Variants in RFTN1 observed in about 807,000 individuals in gnomAD.
RFTN1 encodes the protein raftlin, lipid raft linker 1.
In RFTN1, 26 loss-of-function variants were observed where a neutral mutation model predicts 46.5. That is an observed-to-expected ratio of 0.56 (90% CI 0.41 to 0.78). RFTN1 has a LOEUF of 0.78. RFTN1 is among the 30% of genes least tolerant of loss of function. The pLI, the probability that RFTN1 is intolerant of heterozygous loss-of-function variation, is 0.00. For synonymous variants in RFTN1, 261 were observed against 284.2 expected (o/e 0.92, Z 0.82); for missense variants, 693 against 718.7 (o/e 0.96, Z 0.41).
chr3:16,470,185 T>C (rs867067916), intron 2 of RFTN1, among the ~76,000 whole-genome samples: 1 of 152,110 alleles, frequency 6.6e-6, no homozygotes, highest in Non-Finnish European at 1.5e-5. Flanking sequence ...GATGCTCCTA[T>C]AGATCAAGTC....
In RFTN1 at chr3:16,440,451, C is replaced by A. The variant is rs540041876; in HGVS notation, c.146-6414G>T. Among the ~76,000 whole-genome samples the A allele has an allele frequency of 4.1e-4, 62 of 152,280 alleles. No homozygotes were observed. The highest frequency in any genetic ancestry group is 3.4e-3 in the Middle Eastern group (1 of 294). The stretch of plus-strand genomic sequence containing the variant: ...AACTCCTGCCCATCTTCATCCCATA[C>A]CAGGGCTTTGTCCTGCTGCAGTGCA... On this transcript the variant is annotated intron_variant, in intron 2 of 9. Coordinates refer to ENST00000334133, the MANE Select transcript of RFTN1 (RefSeq NM_015150.2). This position sits in a 1 kb window ranked among gnomAD's most constrained non-coding sequence, Gnocchi z 4.6.
In RFTN1 at chr3:16,377,756, C is replaced by G. The variant is rs1259452685; in HGVS notation, c.788G>C (p.Ser263Thr). 2 of 1,609,718 alleles carry G rather than the reference C, an allele frequency of 1.2e-6. No homozygotes were observed. The highest frequency in any genetic ancestry group is 1.1e-5 in the South Asian group (1 of 90,878). ...GVSKTLDGPE[S>T]NPLEVHEEPL... ...CTCTTCATGCACCTCCAAGGGGTTGCTCTCCGGTCCATCCAGTGTCTTGCT... is the reference window on the plus strand; with the variant it reads ...CTCTTCATGCACCTCCAAGGGGTTGGTCTCCGGTCCATCCAGTGTCTTGCT... Residue 263 changes from serine to threonine, a missense_variant, in exon 5 of 10, where the codon AGC becomes ACC. By Grantham distance (58) the Ser-to-Thr change is moderately conservative (BLOSUM62 1). Coordinates refer to ENST00000334133, the MANE Select transcript of RFTN1 (RefSeq NM_015150.2).
chr3:16,391,156 A>C (rs2074334341), intron 4 of RFTN1, among the ~76,000 whole-genome samples: 1 of 152,194 alleles, frequency 6.6e-6, no homozygotes, highest in African/African-American at 2.4e-5. Flanking sequence ...TACACTACGA[A>C]TCTCCCCCCA....
chr3:16,370,978 A>C lies in RFTN1; in HGVS notation c.827-699T>G, dbSNP rs759168225. 2.0e-5 allele frequency: 3 copies of C among 152,246 alleles called. No homozygotes were observed. Among genetic ancestry groups the C allele is most frequent in the African/African-American group, 7.2e-5 (3 of 41,462 alleles). The allele number at this position is 152,246 out of a possible 1,614,324, so 9.4% of individuals were successfully genotyped here. A position where few individuals can be genotyped will look rare whatever the true frequency, so the allele number is the denominator to read the frequency against. ...CAATCAATAATCACTGCCACCCAGC[A>C]GCTGAGCCGCAACTGCCTACGTGCA... On this transcript the variant is annotated intron_variant, in intron 5 of 9. Coordinates refer to ENST00000334133, the MANE Select transcript of RFTN1 (RefSeq NM_015150.2). The surrounding 1 kb of genome is among the most constrained non-coding windows in gnomAD (Gnocchi z 5.5).
At position 16,449,548 on chromosome 3, in the gene RFTN1, ATTG is replaced by A. The variant is rs1421283290; in HGVS notation, c.146-15514_146-15512del. On this transcript the variant is annotated intron_variant, in intron 2 of 9. Transcript: ENST00000334133. This position sits in a 1 kb window ranked among gnomAD's most constrained non-coding sequence, Gnocchi z 5.1. ...TCCATACACGGGAGCTGCTAAAATC[ATTG>A]TTGTTATCACCATTATGCATAACCC... 1.3e-5 allele frequency among the ~76,000 whole-genome samples: 2 copies of A among 152,214 alleles called. No homozygotes were observed. Among genetic ancestry groups the A allele is most frequent in the African/African-American group, 2.4e-5 (1 of 41,454 alleles).
rs758354261 is a variant in RFTN1, at chr3:16,316,540, G to C, written c.*288C>G. Reference sequence around the variant, plus strand: ...CTGGATGGTCCAGACCCTCTGGCTGGAGGAGTGGTGGAGCCAGGACTGGGC... The same window carrying C: ...CTGGATGGTCCAGACCCTCTGGCTGCAGGAGTGGTGGAGCCAGGACTGGGC... On this transcript the variant is annotated 3_prime_UTR_variant, in exon 10 of 10. Coordinates refer to ENST00000334133, the MANE Select transcript of RFTN1 (RefSeq NM_015150.2). This position sits in a 1 kb window ranked among gnomAD's most constrained non-coding sequence, Gnocchi z 4.5. 2.2e-6 allele frequency: 1 copy of C among 458,102 alleles called. No homozygotes were observed. Among genetic ancestry groups the C allele is most frequent in the African/African-American group, 2.0e-5 (1 of 50,462 alleles). 28.4% of individuals were successfully genotyped at this position (458,102 alleles called of 1,614,324 possible).
Position 16,413,475 on chromosome 3 carries a change from A to G in RFTN1, c.333-3992T>C, listed in dbSNP as rs1395550236. ...CTATGGGGTAGTGGAAATACCAGGT[A>G]TGCTCCCCAAAGGGCCATGTCATTG... On this transcript the variant is annotated intron_variant, in intron 3 of 9. Coordinates refer to ENST00000334133, the MANE Select transcript of RFTN1 (RefSeq NM_015150.2). The surrounding 1 kb of genome is among the most constrained non-coding windows in gnomAD (Gnocchi z 4.7). Among the ~76,000 whole-genome samples the G allele has an allele frequency of 2.0e-5, 3 of 152,266 alleles. No homozygotes were observed. The highest frequency in any genetic ancestry group is 2.9e-5 in the Non-Finnish European group (2 of 68,044).
intron 2 of RFTN1, among the ~76,000 whole-genome samples, chr3:16,436,848 A>G (rs2075526452): frequency 6.6e-6 from 1 of 152,224 alleles, no homozygotes; most frequent in Admixed American, 6.5e-5. Context: ...TGGTTAAACT[A>G]CTTGTCAAAT....
intron 2 of RFTN1, among the ~76,000 whole-genome samples, chr3:16,439,730 G>A (rs573289560): frequency 2.6e-5 from 4 of 152,238 alleles, no homozygotes; most frequent in South Asian, 2.1e-4. Context: ...GCCAGTGGGC[G>A]GGAGAAACAT....
intron 4 of RFTN1, among the ~76,000 whole-genome samples, chr3:16,397,349 G>A (rs1292735295): frequency 6.6e-6 from 1 of 152,116 alleles, no homozygotes; most frequent in African/African-American, 2.4e-5. Flanking sequence ...ATGGCAGAAA[G>A]GAAATGGGGA....
At chr3:16,406,635 C>T (rs1559330478) in intron 4 of RFTN1, among the ~76,000 whole-genome samples, 1 of 152,182 alleles carries the variant, frequency 6.6e-6, no homozygotes, top group Non-Finnish European at 1.5e-5. Context: ...ATTTTCAAAA[C>T]GTTAAGAACA....
chr3:16,436,948 C>A (rs2075528216), intron 2 of RFTN1, among the ~76,000 whole-genome samples: 1 of 152,102 alleles, frequency 6.6e-6, no homozygotes, highest in Admixed American at 6.5e-5. Flanking sequence ...CCCCTTGCTC[C>A]ACTAAAAAAG....
intron 3 of RFTN1, among the ~76,000 whole-genome samples, chr3:16,411,934 T>C (rs1301395533): frequency 6.6e-6 from 1 of 152,240 alleles, no homozygotes; most frequent in Non-Finnish European, 1.5e-5. Context: ...CAAGTTGGTC[T>C]GTAAGCAACT....
chr3:16,482,900 G>A (rs1033859804), intron 2 of RFTN1: 21 of 1,450,564 alleles, frequency 1.4e-5, no homozygotes, highest in South Asian at 8.6e-5. Context: ...TTAAATTTGC[G>A]GAAATATAGA....
At chr3:16,340,689 G>C (rs2071260156) in intron 7 of RFTN1, among the ~76,000 whole-genome samples, 1 of 152,216 alleles carries the variant, frequency 6.6e-6, no homozygotes, top group Non-Finnish European at 1.5e-5. Flanking sequence ...AGGTAACTCT[G>C]CAGTTATAGA....
rs1382502951 is a variant in RFTN1, at chr3:16,512,313, TC to T, written c.-9+1128del. ...ATGGCAGGGGTTGGAAGATGCCTAG[TC>T]TAGTTGAGCGCCCAGCTCCTGAAAC... On this transcript the variant is annotated intron_variant, in intron 1 of 9. Transcript: ENST00000334133. This position sits in a 1 kb window ranked among gnomAD's most constrained non-coding sequence, Gnocchi z 4.3. Among the ~76,000 whole-genome samples the T allele has an allele frequency of 3.8e-4, 58 of 152,148 alleles. No individual in the cohort carries two copies. Among genetic ancestry groups the T allele is most frequent in the African/African-American group, 1.4e-3 (57 of 41,466 alleles).
At position 16,341,726 on chromosome 3, in the gene RFTN1, TTAAA is replaced by T. The variant is rs1188340254; in HGVS notation, c.1147-14854_1147-14851del. Among the ~76,000 whole-genome samples the T allele has an allele frequency of 6.6e-6, 1 of 152,190 alleles. No homozygotes were observed. The highest frequency in any genetic ancestry group is 1.5e-5 in the Non-Finnish European group (1 of 68,022). ...CAAAAACCCACCAATGGAAAACTAA[TTAAA>T]TAAATTAAAATTTTTCATAGATTGA... On this transcript the variant is annotated intron_variant, in intron 7 of 9. Coordinates refer to ENST00000334133, the MANE Select transcript of RFTN1 (RefSeq NM_015150.2). The surrounding 1 kb of genome is among the most constrained non-coding windows in gnomAD (Gnocchi z 4.7).
rs527962504 is a variant in RFTN1 at position 16,377,165 on chromosome 3, C to T, written c.826+553G>A. 5.9e-5 allele frequency among the ~76,000 whole-genome samples: 9 copies of T among 152,060 alleles called. No individual in the cohort carries two copies. In the South Asian group the frequency reaches 1.5e-3, roughly 25 times the overall value. On this transcript the variant is annotated intron_variant, in intron 5 of 9. Transcript: ENST00000334133. ...TCCCTGTAAATCTTATTAAGGGCCT[C>T]GGCAAATCTTGTTAGTCTATCACAC...
intron 4 of RFTN1, among the ~76,000 whole-genome samples, chr3:16,388,812 A>G (rs2074275704): frequency 6.6e-6 from 1 of 152,226 alleles, no homozygotes; most frequent in Non-Finnish European, 1.5e-5. Context: ...AGGTCCCAAA[A>G]AACAAAAAGA....
Sources: gnomAD v4.1 joint callset for allele counts (sites outside exome capture counted in the v4.1 genomes callset) on GRCh38, gnomAD v4.1.1 for gene constraint, Gnocchi (gnomAD v3.1) non-coding constraint, MANE v1.5 for transcripts, NCBI Gene and HGNC (gene_info 2026-07-23, HGNC 2026-07-21) for gene names.